FOXP1: variants seen among roughly 807,000 people sequenced by gnomAD.
FOXP1 encodes the protein forkhead box P1.
Under a neutral mutation model 98.2 loss-of-function variants are expected in FOXP1, and 15 were observed. The ratio of observed to expected loss-of-function variants is 0.15; its 90% CI spans 0.10 to 0.24. The LOEUF (loss-of-function observed/expected upper bound fraction) is 0.24, where lower values mean the gene tolerates loss of function less well. Among genes scored for constraint, FOXP1 ranks in the 10% least tolerant of loss-of-function variants. FOXP1 has a pLI of 1.00. For missense variants in FOXP1, 633 were observed against 848.5 expected (o/e 0.75, Z 3.15); for synonymous variants, 371 against 314.5 (o/e 1.18, Z -1.90).
chr3:71,014,153 T>C (rs550775310), intron 12 of FOXP1, among the ~76,000 whole-genome samples: 59 of 151,956 alleles, frequency 3.9e-4, no homozygotes, highest in Non-Finnish European at 7.2e-4. Flanking sequence ...AATTGACAAA[T>C]GGGATCTAAT....
chr3:71,263,051 A>G (rs1329419277), intron 5 of FOXP1, among the ~76,000 whole-genome samples: 1 of 152,202 alleles, frequency 6.6e-6, no homozygotes, highest in Non-Finnish European at 1.5e-5. Context: ...AGACCCTGAA[A>G]GTGATTCATT....
At chr3:71,527,033 G>A (rs563487698) in intron 2 of FOXP1, among the ~76,000 whole-genome samples, 6 of 151,734 alleles carry the variant, frequency 4.0e-5, no homozygotes, top group African/African-American at 1.5e-4. Flanking sequence ...GTGAGCAGAG[G>A]GCACTACTGT....
At chr3:71,179,445 A>G (rs2108271989) in intron 6 of FOXP1, among the ~76,000 whole-genome samples, 1 of 152,300 alleles carries the variant, frequency 6.6e-6, no homozygotes, top group East Asian at 1.9e-4. Context: ...TAAATATGGA[A>G]TTACCTGGCA....
chr3:71,032,024 T>C (rs948624889), intron 11 of FOXP1, among the ~76,000 whole-genome samples: 1 of 152,162 alleles, frequency 6.6e-6, no homozygotes, highest in African/African-American at 2.4e-5. Context: ...GTTGAGAGAG[T>C]ACATGTGAGT....
At chr3:71,413,292 C>CACACACACACACACACACA (rs1364185381) in intron 3 of FOXP1, among the ~76,000 whole-genome samples, 5 of 89,190 alleles carry the variant, frequency 5.6e-5, no homozygotes, top group African/African-American at 1.6e-4. Flanking sequence ...ACACACACAC[C>CACACACACACACACACACA]CAAAACAGCC....
In FOXP1 at chr3:71,130,472, A is replaced by T; in HGVS notation, c.181-17835T>A. On this transcript the variant is annotated intron_variant, in intron 6 of 20. Transcript: ENST00000649528. The stretch of plus-strand genomic sequence containing the variant: ...TTTAAAAGTTTAACCCAGCAAAAAA[A>T]TGTTTCTTTTTCTCTGGACACTTAC... The T allele has an allele frequency of 1.9e-6, 3 of 1,596,408 alleles. No homozygotes were observed. In the South Asian group the frequency reaches 3.3e-5, roughly 18 times the overall value.
At chr3:71,427,392 G>T (rs1344939160) in intron 3 of FOXP1, among the ~76,000 whole-genome samples, 3 of 152,220 alleles carry the variant, frequency 2.0e-5, no homozygotes, top group South Asian at 2.1e-4. Context: ...TACGGAGAGG[G>T]TCTGGCTGCA....
chr3:71,207,189 C>T (rs2064102693), intron 5 of FOXP1, among the ~76,000 whole-genome samples: 1 of 151,784 alleles, frequency 6.6e-6, no homozygotes, highest in Admixed American at 6.6e-5. Context: ...ATTCAAACAG[C>T]TGAATTCTCA....
At position 71,112,850 on chromosome 3, in the gene FOXP1, G is replaced by A. The variant is rs3843363; in HGVS notation, c.181-213C>T. Among the ~76,000 whole-genome samples, 88,791 of 151,902 alleles carry A rather than the reference G, an allele frequency of 0.58. 27,943 individuals carry two copies. Among genetic ancestry groups the A allele is most frequent in the Non-Finnish European group, 0.7 (47,503 of 67,972 alleles). ...CTTTGACTCGGCCAGTTTCATCCAC[G>A]GTTCCACAGGCATCTAAGCAGACAT... is the stretch of plus-strand genomic sequence containing the variant. On this transcript the variant is annotated intron_variant, in intron 6 of 20. Transcript: ENST00000649528.
chr3:71,098,713 C>T (rs1158194679), intron 7 of FOXP1, among the ~76,000 whole-genome samples: 5 of 152,092 alleles, frequency 3.3e-5, no homozygotes, highest in African/African-American at 4.8e-5. Context: ...AGGAATGGTG[C>T]GGAATGTCAC....
At chr3:71,132,784 C>T (rs577425711) in intron 6 of FOXP1, among the ~76,000 whole-genome samples, 4 of 152,162 alleles carry the variant, frequency 2.6e-5, no homozygotes, top group South Asian at 4.2e-4. Context: ...CTTGTGCAAA[C>T]GAGTCCTGGG....
intron 7 of FOXP1, among the ~76,000 whole-genome samples, chr3:71,066,260 G>C (rs1444696932): frequency 2.6e-5 from 4 of 152,146 alleles, no homozygotes; most frequent in Non-Finnish European, 5.9e-5. Flanking sequence ...CAGGGTCAGC[G>C]GGGAGCAGAC....
intron 2 of FOXP1, chr3:71,571,320 T>C (rs1186917041): frequency 1.3e-5 from 2 of 152,226 alleles, no homozygotes; most frequent in Admixed American, 6.5e-5. Flanking sequence ...TGCTGTCTAA[T>C]GGGTGATACC....
At chr3:71,130,499 G>A in intron 6 of FOXP1, 1 of 1,598,368 alleles carries the variant, frequency 6.3e-7, no homozygotes. Context: ...GACACTTACA[G>A]AGAAAATGAA....
intron 5 of FOXP1, among the ~76,000 whole-genome samples, chr3:71,257,628 T>C (rs748621283): frequency 1.2e-4 from 16 of 137,642 alleles, no homozygotes; most frequent in Non-Finnish European, 1.9e-4. Flanking sequence ...AAAGAGGAGG[T>C]GACTAAAAGG....
At chr3:71,581,234 A>C in intron 2 of FOXP1, 6 of 985,322 alleles carry the variant, frequency 6.1e-6, no homozygotes, top group Non-Finnish European at 7.2e-6. Flanking sequence ...AATAATTAAT[A>C]GTTATAAGAG....
intron 3 of FOXP1, among the ~76,000 whole-genome samples, chr3:71,458,701 C>T (rs534319155): frequency 1.1e-4 from 16 of 152,282 alleles, no homozygotes; most frequent in African/African-American, 3.6e-4. Context: ...GTAGAAACCC[C>T]ACCCTGTAAG....
chr3:70,955,505 A>C lies in FOXP1; in HGVS notation c.*3742T>G, dbSNP rs1294406221. The C allele has an allele frequency of 4.3e-6, 1 of 232,760 alleles. No individual in the cohort carries two copies. Among genetic ancestry groups the C allele is most frequent in the African/African-American group, 2.2e-5 (1 of 45,306 alleles). 14.4% of individuals were successfully genotyped at this position (232,760 alleles called of 1,614,324 possible). On this transcript the variant is annotated 3_prime_UTR_variant, in exon 21 of 21. Coordinates refer to ENST00000649528, the MANE Select transcript of FOXP1 (RefSeq NM_001349338.3). Reference sequence around the variant, plus strand: ...GTCTGACACACGGGACTACCTCCCTAATGTATGCTTTTCTTTGAGAAAAAA... The same window carrying C: ...GTCTGACACACGGGACTACCTCCCTCATGTATGCTTTTCTTTGAGAAAAAA...
At chr3:70,961,200 A>T (rs2033395013) in intron 20 of FOXP1, among the ~76,000 whole-genome samples, 1 of 151,788 alleles carries the variant, frequency 6.6e-6, no homozygotes, top group South Asian at 2.1e-4. Flanking sequence ...GCATTACATT[A>T]CATTTTATGT....
Sources: allele counts gnomAD v4.1 joint callset (sites outside exome capture counted in the v4.1 genomes callset), GRCh38; gene constraint gnomAD v4.1.1; transcripts MANE v1.5; gene names NCBI Gene and HGNC (gene_info 2026-07-23, HGNC 2026-07-21).